The following MYRIP variants were observed in gnomAD, a reference collection of about 807,000 sequenced individuals.
The protein encoded by MYRIP is rab effector MyRIP.
Under a neutral mutation model 98.0 loss-of-function variants are expected in MYRIP, and 49 were observed. The ratio of observed to expected loss-of-function variants is 0.50; its 90% confidence interval spans 0.40 to 0.63. MYRIP has a LOEUF of 0.63. Ranked by LOEUF, MYRIP falls within the 30% of genes least tolerant of loss-of-function variation. MYRIP has a pLI of 0.00. For synonymous variants in MYRIP, 404 were observed against 409.5 expected (o/e 0.99, Z 0.16); for missense variants, 1,004 against 1,058.2 (o/e 0.95, Z 0.71).
intron 3 of MYRIP, among the ~76,000 whole-genome samples, chr3:40,140,248 T>C (rs1416133277): frequency 6.6e-6 from 1 of 152,236 alleles, no homozygotes. Flanking sequence ...AAACTGTTTT[T>C]ACTAGCAACA....
chr3:39,981,504 A>C (rs558876391), intron 2 of MYRIP, among the ~76,000 whole-genome samples: 14 of 152,228 alleles, frequency 9.2e-5, no homozygotes, highest in African/African-American at 3.4e-4. Flanking sequence ...TATACAGCAA[A>C]TATGGGGAGG....
intron 2 of MYRIP, among the ~76,000 whole-genome samples, chr3:40,000,621 A>C (rs965469056): frequency 1.1e-4 from 16 of 152,134 alleles, no homozygotes; most frequent in Non-Finnish European, 2.1e-4. Context: ...GAGGTACTTG[A>C]GGGACTTGAT....
At chr3:40,118,641 T>C (rs1008082135) in intron 3 of MYRIP, among the ~76,000 whole-genome samples, 2 of 151,864 alleles carry the variant, frequency 1.3e-5, no homozygotes, top group African/African-American at 4.8e-5. Flanking sequence ...TTAGGGTACA[T>C]GTGCACAACA....
chr3:40,240,199 T>C (rs1256147511), intron 12 of MYRIP, among the ~76,000 whole-genome samples: 2 of 151,772 alleles, frequency 1.3e-5, no homozygotes, highest in Non-Finnish European at 2.9e-5. Context: ...CTCAGGTTTG[T>C]CAAAGATCAG....
intron 3 of MYRIP, among the ~76,000 whole-genome samples, chr3:40,098,740 T>TTTTGTGTGTGTG (rs1553613659): frequency 1.5e-5 from 2 of 135,188 alleles, no homozygotes; most frequent in Non-Finnish European, 1.6e-5. Context: ...GTCTCTCTCA[T>TTTTGTGTGTGTG]TGTGTGTGTG....
At chr3:40,156,652 A>G (rs1378802697) in intron 4 of MYRIP, among the ~76,000 whole-genome samples, 2 of 150,760 alleles carry the variant, frequency 1.3e-5, no homozygotes, top group Non-Finnish European at 3.0e-5. Context: ...ATTTGTTTGT[A>G]TCCTCTTTTA....
chr3:39,925,345 T>C (rs533527241), intron 2 of MYRIP, among the ~76,000 whole-genome samples: 9 of 152,192 alleles, frequency 5.9e-5, no homozygotes, highest in African/African-American at 1.7e-4. Context: ...TTTCAACTTT[T>C]ATTTTAGATT....
intron 2 of MYRIP, among the ~76,000 whole-genome samples, chr3:39,944,527 G>C (rs1944857545): frequency 6.6e-6 from 1 of 151,950 alleles, no homozygotes; most frequent in Non-Finnish European, 1.5e-5. Flanking sequence ...TTCTGTATAT[G>C]CACAAAATAC....
At chr3:40,016,187 G>A (rs1946857173) in intron 2 of MYRIP, among the ~76,000 whole-genome samples, 1 of 152,016 alleles carries the variant, frequency 6.6e-6, no homozygotes, top group African/African-American at 2.4e-5. Flanking sequence ...GGTGACTACT[G>A]CATTTTTATC....
chr3:40,159,765 C>T (rs1285007633), intron 4 of MYRIP, among the ~76,000 whole-genome samples: 2 of 152,088 alleles, frequency 1.3e-5, no homozygotes, highest in East Asian at 3.9e-4. Context: ...TCACTGATAC[C>T]CTTTCTTCCA....
intron 1 of MYRIP, among the ~76,000 whole-genome samples, chr3:39,895,209 C>T (rs1284621529): frequency 1.3e-5 from 2 of 148,832 alleles, no homozygotes; most frequent in Admixed American, 6.7e-5. Flanking sequence ...TTTTTTGAGG[C>T]GGAGTCTCAC....
intron 11 of MYRIP, among the ~76,000 whole-genome samples, chr3:40,231,055 C>T (rs1190903201): frequency 3.9e-5 from 6 of 152,226 alleles, no homozygotes; most frequent in South Asian, 4.1e-4. Context: ...AAACTCCTGA[C>T]CTCAGATGAT....
chr3:40,118,377 A>G (rs1255894965), intron 3 of MYRIP, among the ~76,000 whole-genome samples: 1 of 152,190 alleles, frequency 6.6e-6, no homozygotes, highest in African/African-American at 2.4e-5. Context: ...ATTTGCCTGT[A>G]TGCAAAGGGA....
intron 3 of MYRIP, among the ~76,000 whole-genome samples, chr3:40,129,717 T>C (rs950320085): frequency 6.6e-6 from 1 of 152,118 alleles, no homozygotes; most frequent in African/African-American, 2.4e-5. Flanking sequence ...CCCTACTGTG[T>C]TGGGGAGGAA....
At chr3:40,218,068 A>G (rs1296605675) in intron 11 of MYRIP, among the ~76,000 whole-genome samples, 1 of 152,170 alleles carries the variant, frequency 6.6e-6, no homozygotes, top group Non-Finnish European at 1.5e-5. Context: ...TTATATTTGC[A>G]ATAGCCGCAA....
chr3:39,959,624 T>C (rs1309029907), intron 2 of MYRIP, among the ~76,000 whole-genome samples: 4 of 151,744 alleles, frequency 2.6e-5, no homozygotes, highest in Non-Finnish European at 4.4e-5. Context: ...TATACATATG[T>C]AACAAACCTG....
At chr3:40,164,966 A>AGGTTATCACTGG (rs1286338235) in intron 5 of MYRIP, among the ~76,000 whole-genome samples, 1 of 152,242 alleles carries the variant, frequency 6.6e-6, no homozygotes, top group Admixed American at 6.5e-5. Context: ...TTTGTCCATC[A>AGGTTATCACTGG]GGTTATCACT....
chr3:40,218,624 A>ATATATATATATTT, intron 11 of MYRIP, among the ~76,000 whole-genome samples: 1 of 12,282 alleles, frequency 8.1e-5, no homozygotes, highest in African/African-American at 1.3e-4. Context: ...ATATATATAT[A>ATATATATATATTT]TATATATATA....
At chr3:39,955,752 G>C (rs1481032598) in intron 2 of MYRIP, among the ~76,000 whole-genome samples, 1 of 152,080 alleles carries the variant, frequency 6.6e-6, no homozygotes, top group Non-Finnish European at 1.5e-5. Context: ...GAAGAGTCAA[G>C]ACCCATCAGT....
Sources: gnomAD v4.1 joint callset for allele counts (sites outside exome capture counted in the v4.1 genomes callset) on GRCh38, gnomAD v4.1.1 for gene constraint, MANE v1.5 for transcripts, NCBI Gene and HGNC (gene_info 2026-07-23, HGNC 2026-07-21) for gene names.